Variants in ARF1 observed in about 807,000 individuals in gnomAD.
The protein encoded by ARF1 is ARF GTPase 1.
ARF1 carries 1 observed loss-of-function variant against 18.0 expected under a neutral mutation model. The observed-to-expected ratio is 0.06, with a 90% confidence interval of 0.02 to 0.26. The LOEUF is 0.26. Among genes scored for constraint, ARF1 ranks in the 10% least tolerant of loss-of-function variants. ARF1 has a pLI of 1.00. For missense variants in ARF1, 73 were observed against 247.2 expected, an observed-to-expected ratio of 0.30 and a Z score of 4.73; for synonymous variants, 112 against 96.3, an observed-to-expected ratio of 1.16 and a Z score of -0.95.
At chr1:228,088,886 G>T (rs1461940075) in intron 1 of ARF1, among the ~76,000 whole-genome samples, 2 of 152,214 alleles carry the variant, frequency 1.3e-5, no homozygotes, top group African/African-American at 4.8e-5. Context: ...GCCAGAGGCA[G>T]CATTTAGAGC....
chr1:228,096,624 G>C (rs2032756667), intron 1 of ARF1: 1 of 155,418 alleles, frequency 6.4e-6, no homozygotes, highest in African/African-American at 2.4e-5. Context: ...GTCCTCATGG[G>C]AGTGTGTCCC....
chr1:228,097,585 C>T lies in ARF1; in HGVS notation c.260-6C>T, dbSNP rs201797905. ...CCATGACCATTTGACACTGGCTGCC[C>T]GGCAGGCCTGATCTTCGTGGTGGAC... is the stretch of plus-strand genomic sequence containing the variant. On this transcript the variant is annotated splice_region_variant and splice_polypyrimidine_tract_variant and intron_variant, in intron 3 of 4. Transcript: ENST00000272102. This position sits in a 1 kb window ranked among gnomAD's most constrained non-coding sequence, Gnocchi z 8.1. 40 of 1,614,124 alleles carry T rather than the reference C, an allele frequency of 2.5e-5. No homozygotes were observed. Among genetic ancestry groups the T allele is most frequent in the African/African-American group, 2.0e-4 (15 of 75,040 alleles).
chr1:228,096,962 T>G, intron 1 of ARF1, 116 bp from the exon 2 acceptor site: 1 of 953,228 alleles, frequency 1.0e-6, no homozygotes, highest in South Asian at 2.0e-5. Flanking sequence ...TTTCCCTGTT[T>G]CCCTGCAGGC....
At position 228,098,172 on chromosome 1, in the gene ARF1, CT is replaced by C; in HGVS notation, c.*164del. ...GTGGCAGACGCAGCCTGCGGCCAGGCTTTTTATTTAATGTAAATAGTTTTTG... is the reference window on the plus strand; with the variant it reads ...GTGGCAGACGCAGCCTGCGGCCAGGCTTTTATTTAATGTAAATAGTTTTTG... On this transcript the variant is annotated 3_prime_UTR_variant, in exon 5 of 5. Transcript: ENST00000272102. 1 of 826,820 alleles carries C rather than the reference CT, an allele frequency of 1.2e-6. No homozygotes were observed. Among genetic ancestry groups the C allele is most frequent in the Non-Finnish European group, 1.8e-6 (1 of 562,944 alleles). 51.2% of individuals were successfully genotyped at this position (826,820 alleles called of 1,614,324 possible). A position where few individuals can be genotyped will look rare whatever the true frequency, so the allele number is the denominator to read the frequency against.
chr1:228,083,964 G>T (rs1283210772), intron 1 of ARF1, among the ~76,000 whole-genome samples: 2 of 152,228 alleles, frequency 1.3e-5, no homozygotes, highest in Non-Finnish European at 1.5e-5. Flanking sequence ...TGGTGCCACT[G>T]CCCCTGTTGG....
chr1:228,086,429 T>C (rs1362167614), intron 1 of ARF1, among the ~76,000 whole-genome samples: 2 of 150,126 alleles, frequency 1.3e-5, no homozygotes, highest in Non-Finnish European at 3.0e-5. Flanking sequence ...GGCAGGAGAA[T>C]GGCGTGAACC....
chr1:228,094,137 G>A (rs1222760002), intron 1 of ARF1, among the ~76,000 whole-genome samples: 3 of 152,090 alleles, frequency 2.0e-5, no homozygotes, highest in Admixed American at 6.5e-5. Flanking sequence ...GGTTGGTGAC[G>A]GTGTGACACC....
chr1:228,097,145 G>A lies in ARF1; in HGVS notation c.31G>A (p.Gly11Ser). ...GAACATCTTCGCCAACCTCTTCAAG[G>A]GCCTTTTTGGCAAAAAAGAAATGCG... MGNIFANLFK[G>S]LFGKKEMRIL... The change falls in exon 2 of 5, where the codon GGC (glycine) becomes AGC (serine). Residue 11 changes from glycine to serine, a missense_variant. Coordinates refer to ENST00000272102, the MANE Select transcript of ARF1 (RefSeq NM_001658.4). This position sits in a 1 kb window ranked among gnomAD's most constrained non-coding sequence, Gnocchi z 8.1. 6.2e-7 allele frequency: 1 copy of A among 1,612,390 alleles called. No individual in the cohort carries two copies. The highest frequency in any genetic ancestry group is 8.5e-7 in the Non-Finnish European group (1 of 1,179,164).
chr1:228,097,971 A>G lies in ARF1; in HGVS notation c.504A>G (p.Glu168=), dbSNP rs748951714. The part of the protein sequence containing the change: ...TCATSGDGLY[E]GLDWLSNQLR... ...CCACCAGCGGCGACGGGCTCTATGA[A>G]GGACTGGACTGGCTGTCCAATCAGC... Residue 168 remains glutamate, a synonymous_variant, in exon 5 of 5, where the codon GAA becomes GAG. Transcript: ENST00000272102. This position sits in a 1 kb window ranked among gnomAD's most constrained non-coding sequence, Gnocchi z 8.1. 6.2e-6 allele frequency: 10 copies of G among 1,614,192 alleles called. No individual in the cohort carries two copies. The highest frequency in any genetic ancestry group is 8.5e-6 in the Non-Finnish European group (10 of 1,180,026).
At chr1:228,096,175 T>C (rs708126) in intron 1 of ARF1, among the ~76,000 whole-genome samples, 25,436 of 152,180 alleles carry the variant, frequency 0.17, 3,074 homozygotes, top group African/African-American at 0.33. Flanking sequence ...CAGTCATGGC[T>C]GTGATTCAGC....
chr1:228,087,904 T>C (rs1487052516), intron 1 of ARF1, among the ~76,000 whole-genome samples: 1 of 152,196 alleles, frequency 6.6e-6, no homozygotes, highest in Non-Finnish European at 1.5e-5. Flanking sequence ...CGTGACGAAC[T>C]TAATTTTTAG....
In ARF1 at chr1:228,089,565, C is replaced by G. The variant is rs1371411976; in HGVS notation, c.-38+6800C>G. ...GCCTACATTTTTAAAATGAACGTTT[C>G]TTGAAGGCAGAAATCAAGTTTTAGG... is the stretch of plus-strand genomic sequence containing the variant. On this transcript the variant is annotated intron_variant, in intron 1 of 4. Coordinates refer to ENST00000272102, the MANE Select transcript of ARF1 (RefSeq NM_001658.4). This position sits in a 1 kb window ranked among gnomAD's most constrained non-coding sequence, Gnocchi z 4.1. 6.6e-6 allele frequency among the ~76,000 whole-genome samples: 1 copy of G among 152,192 alleles called. No homozygotes were observed. The highest frequency in any genetic ancestry group is 2.4e-5 in the African/African-American group (1 of 41,448).
Position 228,097,250 on chromosome 1 carries a change from A to T in ARF1, c.136A>T (p.Ile46Phe). Residue 46 changes from isoleucine (I) to phenylalanine (F), a missense_variant, in exon 2 of 5, where the codon ATT (isoleucine) becomes TTT (phenylalanine). Coordinates refer to ENST00000272102, the MANE Select transcript of ARF1 (RefSeq NM_001658.4). The surrounding 1 kb of genome is among the most constrained non-coding windows in gnomAD (Gnocchi z 8.1). ...TAAGCTGGGTGAGATCGTGACCACC[A>T]TTCCCACCATAGGTGAGGTGGGGGC... ...KLKLGEIVTTIPTIGFNVETV... is the reference protein window; with the variant it reads ...KLKLGEIVTTFPTIGFNVETV... 6.2e-7 allele frequency: 1 copy of T among 1,611,308 alleles called. No homozygotes were observed. The highest frequency in any genetic ancestry group is 8.5e-7 in the Non-Finnish European group (1 of 1,178,318).
In ARF1 at chr1:228,098,081, G is replaced by A. The variant is rs1044986290; in HGVS notation, c.*68G>A. 59 of 1,528,856 alleles carry A rather than the reference G, an allele frequency of 3.9e-5. No individual in the cohort carries two copies. The African/African-American group carries it at 5.6e-4, about 15-fold the overall frequency. 94.7% of individuals were successfully genotyped at this position (1,528,856 alleles called of 1,614,324 possible). ...CTCTCATGTGGCAAACGTGCGGCTC[G>A]TGGTGTGAGTGCCAGAAGCTGCCTC... On this transcript the variant is annotated 3_prime_UTR_variant, in exon 5 of 5. Coordinates refer to ENST00000272102, the MANE Select transcript of ARF1 (RefSeq NM_001658.4).
Position 228,098,168 on chromosome 1 carries a change from C to G in ARF1, c.*155C>G, listed in dbSNP as rs1157931649. 3 of 872,192 alleles carry G rather than the reference C, an allele frequency of 3.4e-6. No individual in the cohort carries two copies. Among genetic ancestry groups the G allele is most frequent in the Non-Finnish European group, 5.0e-6 (3 of 602,494 alleles). The allele number at this position is 872,192 out of a possible 1,614,324, so 54.0% of individuals were successfully genotyped here. A position where few individuals can be genotyped will look rare whatever the true frequency, so the allele number is the denominator to read the frequency against. ...AAATGTGGCAGACGCAGCCTGCGGC[C>G]AGGCTTTTTATTTAATGTAAATAGT... On this transcript the variant is annotated 3_prime_UTR_variant, in exon 5 of 5. Coordinates refer to ENST00000272102, the MANE Select transcript of ARF1 (RefSeq NM_001658.4).
intron 1 of ARF1, among the ~76,000 whole-genome samples, chr1:228,095,932 T>G (rs2032731903): frequency 6.6e-6 from 1 of 152,174 alleles, no homozygotes; most frequent in Non-Finnish European, 1.5e-5. Context: ...AATTTCAGAA[T>G]AGGTGACATG....
Position 228,097,508 on chromosome 1 carries a change from AGCCCATAGATGGGGCATCGAT to A in ARF1, c.259+68_260-51del, listed in dbSNP as rs2032791448. The A allele has an allele frequency of 6.2e-7, 1 of 1,613,604 alleles. No homozygotes were observed. The highest frequency in any genetic ancestry group is 1.3e-5 in the African/African-American group (1 of 74,894). On this transcript the variant is annotated intron_variant, in intron 3 of 4. Coordinates refer to ENST00000272102, the MANE Select transcript of ARF1 (RefSeq NM_001658.4). The surrounding 1 kb of genome is among the most constrained non-coding windows in gnomAD (Gnocchi z 8.1). ...CTCCTGCTTCTAGAGAGGGGGGGCCAGCCCATAGATGGGGCATCGATGCCCATAGATGCGGCAGGGGGGCTG... is the reference window on the plus strand; with the variant it reads ...CTCCTGCTTCTAGAGAGGGGGGGCCAGCCCATAGATGCGGCAGGGGGGCTG...
chr1:228,098,231 C>G lies in ARF1; in HGVS notation c.*218C>G. On this transcript the variant is annotated 3_prime_UTR_variant, in exon 5 of 5. Transcript: ENST00000272102. ...TGAGGCAGTTTCTGGTACTCCTATGCAATATTACTCAGCTTTTTTTATTGT... is the reference window on the plus strand; with the variant it reads ...TGAGGCAGTTTCTGGTACTCCTATGGAATATTACTCAGCTTTTTTTATTGT... The G allele has an allele frequency of 4.1e-6, 2 of 489,476 alleles. No homozygotes were observed. The highest frequency in any genetic ancestry group is 7.0e-6 in the Non-Finnish European group (2 of 284,572). The allele number at this position is 489,476 out of a possible 1,614,324, so 30.3% of individuals were successfully genotyped here.
chr1:228,091,897 C>G (rs1221160498), intron 1 of ARF1, among the ~76,000 whole-genome samples: 1 of 152,022 alleles, frequency 6.6e-6, no homozygotes, highest in Non-Finnish European at 1.5e-5. Context: ...TTTAAGGACT[C>G]CCTTAAAATG....
Sources: gnomAD v4.1 joint callset for allele counts (sites outside exome capture counted in the v4.1 genomes callset) on GRCh38, gnomAD v4.1.1 for gene constraint, Gnocchi (gnomAD v3.1) non-coding constraint, MANE v1.5 for transcripts, NCBI Gene and HGNC (gene_info 2026-07-23, HGNC 2026-07-21) for gene names.